DHRSX: variants seen among roughly 807,000 people sequenced by gnomAD.
The protein encoded by DHRSX is polyprenol dehydrogenase.
A neutral mutation model predicts 34.0 loss-of-function variants in DHRSX; 31 were observed. That is an observed-to-expected ratio of 0.91 (90% CI 0.69 to 1.23). The LOEUF is 1.23. DHRSX is among the 50% of genes most tolerant of loss of function. DHRSX has a pLI of 0.00. For synonymous variants in DHRSX, 201 were observed against 183.8 expected (o/e 1.09, Z -0.76); for missense variants, 414 against 428.1 (o/e 0.97, Z 0.29).
At chrX:2,453,861 GAATATGTTAATTAGCTTGATTGTT>G (rs1218011753) in intron 1 of DHRSX, among the ~76,000 whole-genome samples, 2 of 152,018 alleles carry the variant, frequency 1.3e-5, no homozygotes, top group African/African-American at 2.4e-5. Flanking sequence ...AGGATTATGT[GAATATGTTAATTAGCTTGATTGTT>G]AATATGTTAA....
intron 1 of DHRSX, among the ~76,000 whole-genome samples, chrX:2,479,143 C>T (rs1263682210): frequency 5.3e-5 from 8 of 151,682 alleles, no homozygotes; most frequent in Non-Finnish European, 1.2e-4. Context: ...ACAATGCAGC[C>T]AAAGGACTGC....
intron 3 of DHRSX, among the ~76,000 whole-genome samples, chrX:2,300,352 C>T (rs1040755906): frequency 2.0e-5 from 3 of 152,124 alleles, no homozygotes; most frequent in African/African-American, 7.2e-5. Context: ...GGACTGGTGT[C>T]CTTATAATCA....
chrX:2,403,829 G>A lies in DHRSX; in HGVS notation c.286+4916C>T, dbSNP rs763212488. ...CGAGATCACACCACTGCATTCTAAC[G>A]TGGGCAACAAGAGTGAAACTCTGTC... On this transcript the variant is annotated intron_variant, in intron 3 of 6. Coordinates refer to ENST00000334651, the MANE Select transcript of DHRSX (RefSeq NM_145177.3). Among the ~76,000 whole-genome samples, 30 of 149,692 alleles carry A rather than the reference G, an allele frequency of 2.0e-4. 1 individual carries two copies. Among genetic ancestry groups the A allele is most frequent in the Admixed American group, 1.4e-3 (21 of 14,954 alleles).
At chrX:2,386,778 C>G (rs1194621173) in intron 3 of DHRSX, among the ~76,000 whole-genome samples, 1 of 151,792 alleles carries the variant, frequency 6.6e-6, no homozygotes, top group Admixed American at 6.6e-5. Context: ...TGTTCCAATT[C>G]ATGCTAATCT....
intron 5 of DHRSX, among the ~76,000 whole-genome samples, chrX:2,263,008 A>G (rs1333762633): frequency 1.3e-5 from 2 of 152,222 alleles, no homozygotes; most frequent in Non-Finnish European, 2.9e-5. Context: ...CCCTCCTCGT[A>G]GTCCTGAGGG....
chrX:2,275,706 T>G (rs2041620229), intron 4 of DHRSX, among the ~76,000 whole-genome samples: 1 of 151,500 alleles, frequency 6.6e-6, no homozygotes, highest in South Asian at 2.1e-4. Flanking sequence ...ATTTGCCTGT[T>G]TTTTTCTGGG....
intron 2 of DHRSX, among the ~76,000 whole-genome samples, chrX:2,418,203 A>G (rs903996724): frequency 5.9e-5 from 9 of 152,104 alleles, no homozygotes; most frequent in African/African-American, 2.2e-4. Context: ...TAATCAAACC[A>G]TACCTCATAA....
intron 3 of DHRSX, among the ~76,000 whole-genome samples, chrX:2,381,093 T>C (rs2043197119): frequency 6.6e-6 from 1 of 152,034 alleles, no homozygotes; most frequent in African/African-American, 2.4e-5. Flanking sequence ...CTCGAACTCC[T>C]GACCTCAGGT....
At chrX:2,477,445 C>A (rs903689233) in intron 1 of DHRSX, among the ~76,000 whole-genome samples, 24 of 152,136 alleles carry the variant, frequency 1.6e-4, no homozygotes, top group Admixed American at 1.0e-3. Context: ...AAACAAGAGA[C>A]AGGAATATTG....
In DHRSX at chrX:2,452,601, G is replaced by A. The variant is rs777133281; in HGVS notation, c.110-27297C>T. On this transcript the variant is annotated intron_variant, in intron 1 of 6. Coordinates refer to ENST00000334651, the MANE Select transcript of DHRSX (RefSeq NM_145177.3). ...GATGTTCCCTAAGCATGTGGCCAATGGACCGCACTGATGACGTTCCCTACG... is the reference window on the plus strand; with the variant it reads ...GATGTTCCCTAAGCATGTGGCCAATAGACCGCACTGATGACGTTCCCTACG... 5.8e-4 allele frequency among the ~76,000 whole-genome samples: 88 copies of A among 152,014 alleles called. No homozygotes were observed. The South Asian group carries it at 0.018, about 31-fold the overall frequency.
At chrX:2,441,582 G>A (rs2044062999) in intron 1 of DHRSX, among the ~76,000 whole-genome samples, 1 of 152,158 alleles carries the variant, frequency 6.6e-6, no homozygotes, top group Admixed American at 6.6e-5. Flanking sequence ...GAGACATGAT[G>A]TCGCAGCTCA....
intron 3 of DHRSX, among the ~76,000 whole-genome samples, chrX:2,374,950 G>C (rs114440254): frequency 0.028 from 3,839 of 136,276 alleles, 391 homozygotes; most frequent in African/African-American, 0.089. Flanking sequence ...TGTATGTGTA[G>C]TCTCAGCTAC....
intron 3 of DHRSX, among the ~76,000 whole-genome samples, chrX:2,307,809 A>C (rs1342227974): frequency 2.6e-5 from 4 of 151,504 alleles, no homozygotes; most frequent in South Asian, 4.2e-4. Context: ...AAAATAAAAA[A>C]CAAGGAAAAA....
intron 1 of DHRSX, chrX:2,489,041 T>A: frequency 1.2e-6 from 2 of 1,613,738 alleles, no homozygotes; most frequent in Non-Finnish European, 1.7e-6. Context: ...CTCTTCCTGG[T>A]CCTCCACGCC....
chrX:2,463,479 G>A (rs914768020), intron 1 of DHRSX, among the ~76,000 whole-genome samples: 12 of 151,778 alleles, frequency 7.9e-5, no homozygotes, highest in Non-Finnish European at 1.2e-4. Context: ...ACACACTAGA[G>A]GTCTCTGATG....
chrX:2,394,736 C>T (rs980260279), intron 3 of DHRSX, among the ~76,000 whole-genome samples: 11 of 152,032 alleles, frequency 7.2e-5, no homozygotes, highest in South Asian at 6.2e-4. Flanking sequence ...CGTGGTGGCA[C>T]GTGCCTGTAG....
intron 3 of DHRSX, among the ~76,000 whole-genome samples, chrX:2,380,352 TAA>T (rs34993427): frequency 3.1e-4 from 41 of 131,618 alleles, no homozygotes; most frequent in African/African-American, 9.7e-4. Flanking sequence ...TGAGATGTCT[TAA>T]AAAAAAAAAA....
intron 3 of DHRSX, among the ~76,000 whole-genome samples, chrX:2,407,821 G>C (rs143887158): frequency 1.3e-5 from 2 of 152,220 alleles, no homozygotes; most frequent in South Asian, 4.1e-4. Flanking sequence ...ATTACCTCTC[G>C]GGTACAATGT....
chrX:2,220,404 C>T lies in DHRSX; in HGVS notation c.*637G>A, dbSNP rs1014734017. The T allele has an allele frequency of 2.0e-5, 3 of 152,382 alleles. No individual in the cohort carries two copies. The highest frequency in any genetic ancestry group is 7.2e-5 in the African/African-American group (3 of 41,436). 9.4% of individuals were successfully genotyped at this position (152,382 alleles called of 1,614,324 possible). On this transcript the variant is annotated 3_prime_UTR_variant, in exon 7 of 7. Transcript: ENST00000334651. ...TCTGAGGGTTAGGGCATGAACATAT[C>T]TTTTGAGGGCTACCATTTGATCCAT...
Sources: allele counts gnomAD v4.1 joint callset (sites outside exome capture counted in the v4.1 genomes callset), GRCh38; gene constraint gnomAD v4.1.1; transcripts MANE v1.5; gene names NCBI Gene and HGNC (gene_info 2026-07-23, HGNC 2026-07-21).